Variants in ZNF784 observed in about 807,000 individuals in gnomAD.
The protein encoded by ZNF784 is zinc finger protein 784.
A neutral mutation model predicts 3.3 loss-of-function variants in ZNF784; 5 were observed. That is an observed-to-expected ratio of 1.53 (90% confidence interval 0.80 to 3.22). The LOEUF (loss-of-function observed/expected upper bound fraction) is 3.22. Among genes scored for constraint, ZNF784 ranks in the 30% most tolerant of loss-of-function variants. The pLI is 0.00. For synonymous variants in ZNF784, 231 were observed against 219.6 expected (o/e 1.05, Z -0.46); for missense variants, 501 against 480.7 (o/e 1.04, Z -0.39).
chr19:55,621,460 A>C lies in ZNF784; in HGVS notation c.*291T>G. The C allele has an allele frequency of 9.6e-6, 5 of 520,208 alleles. No individual in the cohort carries two copies. Among genetic ancestry groups the C allele is most frequent in the Non-Finnish European group, 1.0e-5 (3 of 286,802 alleles). 32.2% of individuals were successfully genotyped at this position (520,208 alleles called of 1,614,324 possible). ...AAGCCAACCAAGAGACAGTCGGGGA[A>C]GTGACATCCAGCCCGTGGGCCTTGC... On this transcript the variant is annotated 3_prime_UTR_variant, in exon 2 of 2. Transcript: ENST00000325351. This position sits in a 1 kb window ranked among gnomAD's most constrained non-coding sequence, Gnocchi z 4.1.
intron 1 of ZNF784, among the ~76,000 whole-genome samples, chr19:55,623,438 T>C (rs1031780052): frequency 6.6e-6 from 1 of 152,204 alleles, no homozygotes; most frequent in Non-Finnish European, 1.5e-5. Flanking sequence ...GCCCCATCAC[T>C]TGGCGCCTCC....
chr19:55,621,295 G>A lies in ZNF784; in HGVS notation c.*456C>T, dbSNP rs751729. ...CCAGTGCAATGCAGTGAGGTAGGCAGGAGACTCCATCCTGGTCCACCCGTG... is the reference window on the plus strand; with the variant it reads ...CCAGTGCAATGCAGTGAGGTAGGCAAGAGACTCCATCCTGGTCCACCCGTG... On this transcript the variant is annotated 3_prime_UTR_variant, in exon 2 of 2. Transcript: ENST00000325351. The surrounding 1 kb of genome is among the most constrained non-coding windows in gnomAD (Gnocchi z 4.1). 47,862 of 213,760 alleles carry A rather than the reference G, an allele frequency of 0.22. 5,797 individuals are homozygous for A. Among genetic ancestry groups the A allele is most frequent in the Admixed American group, 0.31 (5,818 of 19,032 alleles). 13.2% of individuals were successfully genotyped at this position (213,760 alleles called of 1,614,324 possible). A position where few individuals can be genotyped will look rare whatever the true frequency, so the allele number is the denominator to read the frequency against.
Position 55,622,604 on chromosome 19 carries a change from C to G in ZNF784, c.119G>C (p.Ser40Thr). ...PDDCRPGTPPSDLIEIQVVKV... is the reference protein window; with the variant it reads ...PDDCRPGTPPTDLIEIQVVKV... ...CACCACCTGGATCTCGATGAGGTCA[C>G]TCGGGGGTGTGCCAGGCCGGCAGTC... is the stretch of plus-strand genomic sequence containing the variant. Residue 40 changes from serine to threonine, a missense_variant, in exon 2 of 2, where the codon AGT becomes ACT. Transcript: ENST00000325351. The surrounding 1 kb of genome is among the most constrained non-coding windows in gnomAD (Gnocchi z 5.9). 1 of 1,586,126 alleles carries G rather than the reference C, an allele frequency of 6.3e-7. No individual in the cohort carries two copies. The highest frequency in any genetic ancestry group is 8.6e-7 in the Non-Finnish European group (1 of 1,165,830).
rs1981606977 is a variant in ZNF784, at chr19:55,622,504, G to A, written c.219C>T (p.Ala73=). The A allele has an allele frequency of 1.2e-6, 2 of 1,612,868 alleles. No homozygotes were observed. Among genetic ancestry groups the A allele is most frequent in the African/African-American group, 1.3e-5 (1 of 74,936 alleles). The change falls in exon 2 of 2, where the codon GCC becomes GCT. Residue 73 remains alanine (A), a synonymous_variant. Transcript: ENST00000325351. The surrounding 1 kb of genome is among the most constrained non-coding windows in gnomAD (Gnocchi z 5.9). ...GSFHCALCPA[A]FRLVSELLFH... Reference sequence around the variant, plus strand: ...ACAGCAGCTCGGAAACCAGCCGGAAGGCAGCAGGGCACAAGGCACAGTGGA... The same window carrying A: ...ACAGCAGCTCGGAAACCAGCCGGAAAGCAGCAGGGCACAAGGCACAGTGGA...
chr19:55,623,725 C>T (rs1357325323), intron 1 of ZNF784, among the ~76,000 whole-genome samples: 1 of 152,120 alleles, frequency 6.6e-6, no homozygotes, highest in Non-Finnish European at 1.5e-5. Flanking sequence ...CTACTCTTGG[C>T]TCAATTTATA....
At position 55,621,888 on chromosome 19, in the gene ZNF784, C is replaced by G. The variant is rs1217662129; in HGVS notation, c.835G>C (p.Gly279Arg). 2 of 1,590,266 alleles carry G rather than the reference C, an allele frequency of 1.3e-6. No homozygotes were observed. Among genetic ancestry groups the G allele is most frequent in the Admixed American group, 1.7e-5 (1 of 57,862 alleles). Residue 279 changes from glycine (G) to arginine (R), a missense_variant, in exon 2 of 2, where the codon GGG becomes CGG. Transcript: ENST00000325351. The surrounding 1 kb of genome is among the most constrained non-coding windows in gnomAD (Gnocchi z 4.1). ...KHQRTHFHGP[G>R]PGLGDSGGQL... ...CCTCCAGAGTCTCCCAGCCCCGGCC[C>G]CGGCCCGTGGAAGTGGGTGCGCTGG... is the stretch of plus-strand genomic sequence containing the variant.
At chr19:55,624,386 T>A in intron 1 of ZNF784, 98 bp downstream of exon 1, 2 of 771,456 alleles carry the variant, frequency 2.6e-6, no homozygotes, top group Non-Finnish European at 3.7e-6. Context: ...AATACCTCCC[T>A]CGCCCACCCC....
At chr19:55,623,155 G>A (rs886592319) in intron 1 of ZNF784, among the ~76,000 whole-genome samples, 1 of 152,110 alleles carries the variant, frequency 6.6e-6, no homozygotes, top group African/African-American at 2.4e-5. Context: ...CAGCTCAGGC[G>A]ACAGAACAAG....
Position 55,622,062 on chromosome 19 carries a change from C to T in ZNF784, c.661G>A (p.Glu221Lys). 6.3e-7 allele frequency: 1 copy of T among 1,587,860 alleles called. No individual in the cohort carries two copies. Among genetic ancestry groups the T allele is most frequent in the Non-Finnish European group, 8.5e-7 (1 of 1,174,952 alleles). Residue 221 changes from glutamate to lysine, a missense_variant, in exon 2 of 2, where the codon GAG becomes AAG. Transcript: ENST00000325351. The surrounding 1 kb of genome is among the most constrained non-coding windows in gnomAD (Gnocchi z 5.9). ...MRDHERVHTG[E>K]RPYHCGICGK... ...CAGATGCCGCAATGGTATGGCCGCT[C>T]GCCAGTGTGCACGCGCTCGTGGTCT...
At position 55,622,345 on chromosome 19, in the gene ZNF784, CTCCCCCGTGTGCAAGCTGTA is replaced by C. The variant is rs1185493468; in HGVS notation, c.358_377del (p.Tyr120AlafsTer114). 6.6e-7 allele frequency: 1 copy of C among 1,514,982 alleles called. No individual in the cohort carries two copies. The highest frequency in any genetic ancestry group is 1.4e-5 in the African/African-American group (1 of 71,822). The allele number at this position is 1,514,982 out of a possible 1,614,324, so 93.8% of individuals were successfully genotyped here. On this transcript the variant is annotated frameshift_variant, in exon 2 of 2. Coordinates refer to ENST00000325351, the MANE Select transcript of ZNF784 (RefSeq NM_203374.2). LOFTEE classifies it low-confidence loss of function (END_TRUNC). The surrounding 1 kb of genome is among the most constrained non-coding windows in gnomAD (Gnocchi z 5.9). The stretch of plus-strand genomic sequence containing the variant: ...GGCAGAGCGCGCAGCGGTAGGGCCG[CTCCCCCGTGTGCAAGCTGTA>C]GTGCGCGCGCAGGCTGGCGGGGCCC...
In ZNF784 at chr19:55,621,054, CGAA is replaced by C; in HGVS notation, c.*694_*696del. On this transcript the variant is annotated 3_prime_UTR_variant, in exon 2 of 2. Transcript: ENST00000325351. The surrounding 1 kb of genome is among the most constrained non-coding windows in gnomAD (Gnocchi z 4.1). The stretch of plus-strand genomic sequence containing the variant: ...TGCTTTATGTGTTCTCAGTTGCCTC[CGAA>C]GAAGAGTGGATGGGTTAAGGACGGA... 2 of 152,670 alleles carry C rather than the reference CGAA, an allele frequency of 1.3e-5. No individual in the cohort carries two copies. Among genetic ancestry groups the C allele is most frequent in the East Asian group, 3.9e-4 (2 of 5,176 alleles). 9.5% of individuals were successfully genotyped at this position (152,670 alleles called of 1,614,324 possible).
At position 55,622,543 on chromosome 19, in the gene ZNF784, C is replaced by T. The variant is rs760825818; in HGVS notation, c.180G>A (p.Pro60=). Residue 60 remains proline, a synonymous_variant, in exon 2 of 2, where the codon CCG becomes CCA. Coordinates refer to ENST00000325351, the MANE Select transcript of ZNF784 (RefSeq NM_203374.2). This position sits in a 1 kb window ranked among gnomAD's most constrained non-coding sequence, Gnocchi z 5.9. ...AGGCACAGTGGAAAGAACCTGGCTC[C>T]GGGGGCTCAGGGACCAGCGTGGTGT... ...VTDTTLVPEP[P]EPGSFHCALC... is the part of the protein sequence containing the mutation. The T allele has an allele frequency of 1.3e-5, 21 of 1,611,560 alleles. No homozygotes were observed. Among genetic ancestry groups the T allele is most frequent in the Non-Finnish European group, 1.5e-5 (18 of 1,179,354 alleles).
rs928392888 is a variant in ZNF784, at chr19:55,621,955, G to A, written c.768C>T (p.Leu256=). Residue 256 remains leucine, a synonymous_variant, in exon 2 of 2, where the codon CTC becomes CTT. Transcript: ENST00000325351. This position sits in a 1 kb window ranked among gnomAD's most constrained non-coding sequence, Gnocchi z 4.1. ...AGGAGTTGTTGAAGGTGCGGTCGCA[G>A]AGCGTGCAGCGGAACGGGCGCTCGC... is the stretch of plus-strand genomic sequence containing the variant. ...HTGERPFRCT[L]CDRTFNNSSN... The A allele has an allele frequency of 1.3e-6, 2 of 1,596,172 alleles. No homozygotes were observed. The highest frequency in any genetic ancestry group is 3.4e-5 in the Admixed American group (2 of 59,270).
In ZNF784 at chr19:55,621,896, T is replaced by C. The variant is rs200244134; in HGVS notation, c.827A>G (p.His276Arg). 16 of 1,565,714 alleles carry C rather than the reference T, an allele frequency of 1.0e-5. No individual in the cohort carries two copies. In the East Asian group the frequency reaches 3.6e-4, roughly 36 times the overall value. ...GTCTCCCAGCCCCGGCCCCGGCCCGTGGAAGTGGGTGCGCTGGTGCTTGCG... is the reference window on the plus strand; with the variant it reads ...GTCTCCCAGCCCCGGCCCCGGCCCGCGGAAGTGGGTGCGCTGGTGCTTGCG... ...NFRKHQRTHF[H>R]GPGPGLGDSG... Residue 276 changes from histidine to arginine, a missense_variant, in exon 2 of 2, where the codon CAC becomes CGC. Transcript: ENST00000325351. The surrounding 1 kb of genome is among the most constrained non-coding windows in gnomAD (Gnocchi z 4.1).
intron 1 of ZNF784, among the ~76,000 whole-genome samples, chr19:55,623,563 C>T (rs1981642366): frequency 6.6e-6 from 1 of 152,184 alleles, no homozygotes; most frequent in African/African-American, 2.4e-5. Context: ...TCATTTTTCG[C>T]ACTCAAAACC....
chr19:55,623,358 CTCA>C (rs1388617114), intron 1 of ZNF784, among the ~76,000 whole-genome samples: 12 of 152,306 alleles, frequency 7.9e-5, no homozygotes, highest in Admixed American at 7.2e-4. Flanking sequence ...CTGTTGTATC[CTCA>C]TCAACATTTC....
In ZNF784 at chr19:55,621,803, G is replaced by A. The variant is rs895299250; in HGVS notation, c.920C>T (p.Ala307Val). 1.4e-6 allele frequency: 2 copies of A among 1,389,666 alleles called. No homozygotes were observed. Among genetic ancestry groups the A allele is most frequent in the East Asian group, 3.2e-5 (1 of 30,918 alleles). The allele number at this position is 1,389,666 out of a possible 1,614,324, so 86.1% of individuals were successfully genotyped here. Residue 307 changes from alanine (A) to valine (V), a missense_variant, in exon 2 of 2, where the codon GCG (alanine) becomes GTG (valine). Physicochemically the swap from Ala to Val is moderately conservative, Grantham distance 64 (BLOSUM62 0). Coordinates refer to ENST00000325351, the MANE Select transcript of ZNF784 (RefSeq NM_203374.2). The surrounding 1 kb of genome is among the most constrained non-coding windows in gnomAD (Gnocchi z 4.1). ...SGSGCGVGDP[A>V]EEGRGETAKV... is the part of the protein sequence containing the mutation. ...CGCGGTCTCCCCCCGCCCCTCCTCC[G>A]CAGGGTCCCCTACCCCACACCCGCT... is the stretch of plus-strand genomic sequence containing the variant.
chr19:55,621,895 G>A lies in ZNF784; in HGVS notation c.828C>T (p.His276=). 6.3e-7 allele frequency: 1 copy of A among 1,587,962 alleles called. No individual in the cohort carries two copies. The highest frequency in any genetic ancestry group is 8.5e-7 in the Non-Finnish European group (1 of 1,173,164). Reference sequence around the variant, plus strand: ...AGTCTCCCAGCCCCGGCCCCGGCCCGTGGAAGTGGGTGCGCTGGTGCTTGC... The same window carrying A: ...AGTCTCCCAGCCCCGGCCCCGGCCCATGGAAGTGGGTGCGCTGGTGCTTGC... ...NFRKHQRTHF[H]GPGPGLGDSG... Residue 276 remains histidine (H), a synonymous_variant, in exon 2 of 2, where the codon CAC becomes CAT. Transcript: ENST00000325351. This position sits in a 1 kb window ranked among gnomAD's most constrained non-coding sequence, Gnocchi z 4.1.
Position 55,622,445 on chromosome 19 carries a change from C to G in ZNF784, c.278G>C (p.Gly93Ala). 1 of 1,605,692 alleles carries G rather than the reference C, an allele frequency of 6.2e-7. No homozygotes were observed. Among genetic ancestry groups the G allele is most frequent in the Non-Finnish European group, 8.5e-7 (1 of 1,176,432 alleles). Residue 93 changes from glycine to alanine, a missense_variant, in exon 2 of 2, where the codon GGA becomes GCA. Physicochemically the swap from Gly to Ala is moderately conservative, Grantham distance 60 (BLOSUM62 0). Coordinates refer to ENST00000325351, the MANE Select transcript of ZNF784 (RefSeq NM_203374.2). The surrounding 1 kb of genome is among the most constrained non-coding windows in gnomAD (Gnocchi z 5.9). The stretch of plus-strand genomic sequence containing the variant: ...GCTCGGGTCCCCACCCTGCCCGCCT[C>G]CCTCGGCCCCAGCCAAGTGGCCATG... The part of the protein sequence containing the change: ...HEHGHLAGAE[G>A]GGQGGDPSRC...
Sources: gnomAD v4.1 joint callset for allele counts (sites outside exome capture counted in the v4.1 genomes callset) on GRCh38, gnomAD v4.1.1 for gene constraint, Gnocchi (gnomAD v3.1) non-coding constraint, MANE v1.5 for transcripts, NCBI Gene and HGNC (gene_info 2026-07-23, HGNC 2026-07-21) for gene names.